RIMS1: variants seen among roughly 807,000 people sequenced by gnomAD.
The protein encoded by RIMS1 is regulating synaptic membrane exocytosis protein 1.
Under a neutral mutation model 214.1 loss-of-function variants are expected in RIMS1, and 83 were observed. The observed-to-expected ratio is 0.39, with a 90% CI of 0.32 to 0.47. The LOEUF (loss-of-function observed/expected upper bound fraction) is 0.47, where lower values mean the gene tolerates loss of function less well. Ranked by LOEUF, RIMS1 falls within the 20% of genes least tolerant of loss-of-function variation. RIMS1 has a pLI of 0.99. For missense variants in RIMS1, 2,050 were observed against 2,161.8 expected, an observed-to-expected ratio of 0.95 and a Z score of 1.03; for synonymous variants, 793 against 786.8, an observed-to-expected ratio of 1.01 and a Z score of -0.13.
chr6:72,366,612 A>G (rs1332285681), intron 29 of RIMS1: 1 of 791,956 alleles, frequency 1.3e-6, no homozygotes, highest in African/African-American at 1.9e-5. Flanking sequence ...ACAATAAGCT[A>G]TAGGAAAGAA....
chr6:71,989,073 A>G (rs1347025925), intron 2 of RIMS1, among the ~76,000 whole-genome samples: 1 of 152,226 alleles, frequency 6.6e-6, no homozygotes, highest in Admixed American at 6.5e-5. Flanking sequence ...TAATGTATAA[A>G]CAATGGAAGA....
At chr6:72,366,748 A>G in intron 29 of RIMS1, 1 of 985,862 alleles carries the variant, frequency 1.0e-6, no homozygotes, top group Non-Finnish European at 1.2e-6. Context: ...GGCAGCTCAG[A>G]CAGATATTCC....
At chr6:72,360,664 ATATT>A (rs2097783542) in intron 29 of RIMS1, among the ~76,000 whole-genome samples, 1 of 149,668 alleles carries the variant, frequency 6.7e-6, no homozygotes, top group Admixed American at 6.7e-5. Flanking sequence ...TATGCATACT[ATATT>A]TATATATTTA....
chr6:72,188,304 T>C (rs6917386), intron 6 of RIMS1, among the ~76,000 whole-genome samples: 75,161 of 152,046 alleles, frequency 0.49, 20,439 homozygotes, highest in Non-Finnish European at 0.62. Flanking sequence ...TGAAATCATA[T>C]GTAATCTTCA....
intron 1 of RIMS1, among the ~76,000 whole-genome samples, chr6:71,909,394 A>C (rs922119345): frequency 6.6e-6 from 1 of 152,144 alleles, no homozygotes; most frequent in African/African-American, 2.4e-5. Flanking sequence ...TTAGTGGCAT[A>C]CCTTTCATGA....
intron 2 of RIMS1, among the ~76,000 whole-genome samples, chr6:72,070,349 G>A (rs1471385182): frequency 1.3e-5 from 2 of 151,834 alleles, no homozygotes; most frequent in African/African-American, 4.8e-5. Flanking sequence ...AACTCATATT[G>A]ATTTCTGATT....
intron 4 of RIMS1, among the ~76,000 whole-genome samples, chr6:72,130,356 T>C (rs928297097): frequency 2.0e-5 from 3 of 152,166 alleles, no homozygotes; most frequent in Admixed American, 2.0e-4. Flanking sequence ...ACCTTATTCA[T>C]ATATTCATTT....
At chr6:72,172,552 A>G (rs1277248778) in intron 4 of RIMS1, among the ~76,000 whole-genome samples, 1 of 152,146 alleles carries the variant, frequency 6.6e-6, no homozygotes, top group African/African-American at 2.4e-5. Context: ...CTGTCCTTCC[A>G]CCCAAAATCT....
In RIMS1 at chr6:71,962,838, T is replaced by C. The variant is rs1435273891; in HGVS notation, c.165-6145T>C. 2.6e-5 allele frequency among the ~76,000 whole-genome samples: 4 copies of C among 152,282 alleles called. No homozygotes were observed. In the East Asian group the frequency reaches 7.7e-4, roughly 29 times the overall value. On this transcript the variant is annotated intron_variant, in intron 1 of 33. Transcript: ENST00000521978. Reference sequence around the variant, plus strand: ...AATCTTTTGTCTTTTCACCTTTATTTTTTTGTATTATAGAAACCCTTTCTC... The same window carrying C: ...AATCTTTTGTCTTTTCACCTTTATTCTTTTGTATTATAGAAACCCTTTCTC...
At chr6:72,126,255 T>C (rs1489103261) in intron 4 of RIMS1, among the ~76,000 whole-genome samples, 1 of 152,158 alleles carries the variant, frequency 6.6e-6, no homozygotes. Flanking sequence ...ACTTCTTACC[T>C]TAAACAAAAA....
intron 2 of RIMS1, among the ~76,000 whole-genome samples, chr6:72,004,438 T>G (rs1308014274): frequency 6.6e-6 from 1 of 152,056 alleles, no homozygotes; most frequent in African/African-American, 2.4e-5. Flanking sequence ...CCCTGAGGAA[T>G]CGCCACACTG....
intron 2 of RIMS1, 117 bp downstream of exon 2, chr6:71,969,180 C>A: frequency 1.0e-6 from 1 of 957,042 alleles, no homozygotes; most frequent in Non-Finnish European, 1.7e-6. Flanking sequence ...GTATATGTAA[C>A]AAAAAGGCTA....
chr6:72,363,368 T>A (rs2097887429), intron 29 of RIMS1, among the ~76,000 whole-genome samples: 1 of 152,182 alleles, frequency 6.6e-6, no homozygotes, highest in Non-Finnish European at 1.5e-5. Flanking sequence ...TGTTTGCAAT[T>A]TTGGTTTCAT....
In RIMS1 at chr6:72,358,168, GA is replaced by G. The variant is rs111829494; in HGVS notation, c.4366+24343del. On this transcript the variant is annotated intron_variant, in intron 29 of 33. Coordinates refer to ENST00000521978, the MANE Select transcript of RIMS1 (RefSeq NM_014989.7). Reference sequence around the variant, plus strand: ...CATAGAAGTAAGTAAAGAACAGAAAGAAAAAAAAAAGGTGCTGATAGATTAG... The same window carrying G: ...CATAGAAGTAAGTAAAGAACAGAAAGAAAAAAAAAGGTGCTGATAGATTAG... 7.6e-3 allele frequency among the ~76,000 whole-genome samples: 1,078 copies of G among 142,482 alleles called. 10 individuals carry two copies. Among genetic ancestry groups the G allele is most frequent in the African/African-American group, 0.025 (967 of 38,770 alleles). The allele number at this position is 142,482 out of a possible 152,430, so 93.5% of individuals were successfully genotyped here.
intron 32 of RIMS1, 90 bp from the exon 33 acceptor site, chr6:72,398,865 A>G: frequency 1.3e-6 from 1 of 751,824 alleles, no homozygotes; most frequent in African/African-American, 1.8e-5. Flanking sequence ...TTCAGTAAGC[A>G]TCTCTAATTC....
chr6:72,195,203 C>T (rs2050672991), intron 6 of RIMS1, among the ~76,000 whole-genome samples: 1 of 152,152 alleles, frequency 6.6e-6, no homozygotes, highest in African/African-American at 2.4e-5. Flanking sequence ...AACAGGATTT[C>T]CTTCCTTCTT....
rs368172784 is a variant in RIMS1 at position 72,187,974 on chromosome 6, G to A, written c.1678+4825G>A. 2.5e-3 allele frequency among the ~76,000 whole-genome samples: 376 copies of A among 152,318 alleles called. 1 individual carries two copies. Among genetic ancestry groups the A allele is most frequent in the Middle Eastern group, 0.02 (6 of 294 alleles). On this transcript the variant is annotated intron_variant, in intron 6 of 33. Transcript: ENST00000521978. ...CAAGGAAGCCAGTCTGAGTCCCAAA[G>A]GTGAAGAACTTGCAGTCAGGTGTTG... is the stretch of plus-strand genomic sequence containing the variant.
intron 4 of RIMS1, among the ~76,000 whole-genome samples, chr6:72,171,162 A>G (rs988759106): frequency 6.6e-6 from 1 of 152,084 alleles, no homozygotes; most frequent in Admixed American, 6.6e-5. Flanking sequence ...AATCAGGGTA[A>G]TAAAAATTTT....
intron 22 of RIMS1, 128 bp downstream of exon 22, chr6:72,266,177 T>G: frequency 1.4e-6 from 1 of 728,670 alleles, no homozygotes; most frequent in South Asian, 1.5e-5. Context: ...TGTCTACATT[T>G]CCCCTTCCCT....
Sources: gnomAD v4.1 joint callset for allele counts (sites outside exome capture counted in the v4.1 genomes callset) on GRCh38, gnomAD v4.1.1 for gene constraint, MANE v1.5 for transcripts, NCBI Gene and HGNC (gene_info 2026-07-23, HGNC 2026-07-21) for gene names.